The following APBB2 variants were observed in gnomAD, a reference collection of about 807,000 sequenced individuals.
The protein encoded by APBB2 is amyloid beta precursor protein binding family B member 2.
A neutral mutation model predicts 82.5 loss-of-function variants in APBB2; 38 were observed. That is an observed-to-expected ratio of 0.46 (90% confidence interval 0.36 to 0.60). The LOEUF is 0.60. Ranked by LOEUF, APBB2 falls within the 20% of genes least tolerant of loss-of-function variation. The pLI is 0.00. For synonymous variants in APBB2, 341 were observed against 368.2 expected (o/e 0.93, Z 0.85); for missense variants, 772 against 972.3 (o/e 0.79, Z 2.74).
chr4:41,078,877 A>G (rs7665863), intron 3 of APBB2, among the ~76,000 whole-genome samples: 23,189 of 152,138 alleles, frequency 0.15, 1,963 homozygotes, highest in Non-Finnish European at 0.19. Flanking sequence ...TTCTGATGAG[A>G]GGCACATCTC....
At chr4:40,991,385 C>T (rs964376764) in intron 6 of APBB2, among the ~76,000 whole-genome samples, 4 of 151,686 alleles carry the variant, frequency 2.6e-5, no homozygotes, top group Non-Finnish European at 5.9e-5. Context: ...TGGAAAATGC[C>T]TTGCATTTAA....
intron 5 of APBB2, among the ~76,000 whole-genome samples, chr4:41,025,513 C>G (rs1235249699): frequency 6.6e-6 from 1 of 151,942 alleles, no homozygotes; most frequent in Non-Finnish European, 1.5e-5. Context: ...TGGGTATATA[C>G]TCAGAGGAAT....
chr4:40,990,728 G>C (rs1801785644), intron 6 of APBB2, among the ~76,000 whole-genome samples: 1 of 152,186 alleles, frequency 6.6e-6, no homozygotes, highest in Admixed American at 6.5e-5. Flanking sequence ...AAGTAACACA[G>C]ATTAAACAGT....
At chr4:40,834,535 A>G (rs1181084331) in intron 12 of APBB2, among the ~76,000 whole-genome samples, 1 of 101,626 alleles carries the variant, frequency 9.8e-6, no homozygotes, top group Non-Finnish European at 2.2e-5. Flanking sequence ...CTGCTGCGGG[A>G]GAGTCATGAT....
intron 3 of APBB2, among the ~76,000 whole-genome samples, chr4:41,097,066 A>G (rs769954815): frequency 3.9e-5 from 6 of 152,230 alleles, no homozygotes; most frequent in Non-Finnish European, 7.3e-5. Flanking sequence ...TCCAAAATCT[A>G]TCAGTGTTCC....
chr4:40,900,246 T>C (rs1008223493), intron 10 of APBB2, among the ~76,000 whole-genome samples: 2 of 152,102 alleles, frequency 1.3e-5, no homozygotes, highest in African/African-American at 2.4e-5. Context: ...ATTTCCTGAG[T>C]GCCTGTTAGG....
At chr4:41,105,771 A>T (rs1404017334) in intron 2 of APBB2, among the ~76,000 whole-genome samples, 1 of 152,034 alleles carries the variant, frequency 6.6e-6, no homozygotes, top group African/African-American at 2.4e-5. Context: ...CTGTAGTCCC[A>T]GCTACTCAGG....
At chr4:41,038,903 G>A (rs977627273) in intron 4 of APBB2, among the ~76,000 whole-genome samples, 1 of 152,216 alleles carries the variant, frequency 6.6e-6, no homozygotes, top group Admixed American at 6.5e-5. Context: ...CCTATGTGTA[G>A]AACCATTGTT....
At chr4:41,119,930 T>A (rs542832865) in intron 2 of APBB2, among the ~76,000 whole-genome samples, 9 of 152,250 alleles carry the variant, frequency 5.9e-5, no homozygotes, top group Non-Finnish European at 1.0e-4. Flanking sequence ...ATAATATTCA[T>A]GACAATAATA....
intron 10 of APBB2, among the ~76,000 whole-genome samples, chr4:40,903,492 T>C (rs533985712): frequency 3.1e-4 from 47 of 152,128 alleles, no homozygotes; most frequent in African/African-American, 1.1e-3. Context: ...TAAAAAATGA[T>C]GCAAGAAACT....
At chr4:40,993,062 C>CT (rs1802586077) in intron 6 of APBB2, among the ~76,000 whole-genome samples, 1 of 152,144 alleles carries the variant, frequency 6.6e-6, no homozygotes, top group Non-Finnish European at 1.5e-5. Flanking sequence ...TTGCTGAGCC[C>CT]TTACTACATG....
In APBB2 at chr4:41,179,638, C is replaced by T. The variant is rs1177185692; in HGVS notation, c.-417+34767G>A. On this transcript the variant is annotated intron_variant, in intron 1 of 17. Coordinates refer to ENST00000508593, the MANE Select transcript of APBB2 (RefSeq NM_004307.2). ...TAACAGCAATAAACCTGCAATAATCCTCATGAAATATAGCATCAATTAAAT... is the reference window on the plus strand; with the variant it reads ...TAACAGCAATAAACCTGCAATAATCTTCATGAAATATAGCATCAATTAAAT... Among the ~76,000 whole-genome samples the T allele has an allele frequency of 4.6e-5, 7 of 152,268 alleles. No individual in the cohort carries two copies. In the East Asian group the frequency reaches 1.2e-3, roughly 25 times the overall value.
chr4:41,206,815 A>G (rs140952593), intron 1 of APBB2, among the ~76,000 whole-genome samples: 9 of 152,288 alleles, frequency 5.9e-5, no homozygotes, highest in African/African-American at 2.2e-4. Flanking sequence ...GTGATACTCA[A>G]TGTGGCAGGT....
chr4:40,855,285 T>C (rs1385822759), intron 12 of APBB2, among the ~76,000 whole-genome samples: 1 of 152,234 alleles, frequency 6.6e-6, no homozygotes, highest in African/African-American at 2.4e-5. Flanking sequence ...ACCTGTTGTA[T>C]TTATTATGCC....
At chr4:41,149,787 G>C (rs1274399246) in intron 1 of APBB2, among the ~76,000 whole-genome samples, 2 of 152,118 alleles carry the variant, frequency 1.3e-5, no homozygotes, top group South Asian at 2.1e-4. Context: ...ATGGGGGCAA[G>C]TTTTTCCCAT....
At chr4:41,103,827 A>G (rs1448993186) in intron 2 of APBB2, among the ~76,000 whole-genome samples, 1 of 152,226 alleles carries the variant, frequency 6.6e-6, no homozygotes, top group African/African-American at 2.4e-5. Flanking sequence ...TTCCTTGTCA[A>G]TCACAAGTAT....
chr4:40,814,422 C>T lies in APBB2; in HGVS notation c.*1670G>A, dbSNP rs377059694. On this transcript the variant is annotated 3_prime_UTR_variant, in exon 18 of 18. Transcript: ENST00000508593. Reference sequence around the variant, plus strand: ...TGGAGGCAGCACAACACAGCAAGAACGGGCTTTGGGAGCCGTGGGTCCTAG... The same window carrying T: ...TGGAGGCAGCACAACACAGCAAGAATGGGCTTTGGGAGCCGTGGGTCCTAG... The T allele has an allele frequency of 1.3e-5, 2 of 152,176 alleles. No homozygotes were observed. Among genetic ancestry groups the T allele is most frequent in the African/African-American group, 2.4e-5 (1 of 41,434 alleles). 9.4% of individuals were successfully genotyped at this position (152,176 alleles called of 1,614,324 possible). A position where few individuals can be genotyped will look rare whatever the true frequency, so the allele number is the denominator to read the frequency against.
At chr4:40,885,352 A>G (rs1769904137) in intron 12 of APBB2, among the ~76,000 whole-genome samples, 1 of 152,220 alleles carries the variant, frequency 6.6e-6, no homozygotes, top group South Asian at 2.1e-4. Context: ...GGAATGAGGT[A>G]TAACCTTATA....
At chr4:40,936,906 C>T (rs1785510051) in intron 7 of APBB2, among the ~76,000 whole-genome samples, 1 of 152,138 alleles carries the variant, frequency 6.6e-6, no homozygotes, top group Non-Finnish European at 1.5e-5. Flanking sequence ...GGGTTTTGTA[C>T]ATGTACATTT....
Sources: allele counts gnomAD v4.1 joint callset (sites outside exome capture counted in the v4.1 genomes callset), GRCh38; gene constraint gnomAD v4.1.1; transcripts MANE v1.5; gene names NCBI Gene and HGNC (gene_info 2026-07-23, HGNC 2026-07-21).